Variants in TENM3 observed in about 807,000 individuals in gnomAD.
TENM3 encodes teneurin-3.
A neutral mutation model predicts 255.1 loss-of-function variants in TENM3; 63 were observed. That is an observed-to-expected ratio of 0.25 (90% CI 0.20 to 0.30). The LOEUF is 0.30. TENM3 is among the 10% of genes least tolerant of loss of function. The pLI, the probability that TENM3 is intolerant of heterozygous loss-of-function variation, is 1.00. For synonymous variants in TENM3, 1,306 were observed against 1,322.3 expected (o/e 0.99, Z 0.27); for missense variants, 2,929 against 3,461.1 (o/e 0.85, Z 3.86).
chr4:182,416,032 A>T (rs1194426423), intron 3 of TENM3, among the ~76,000 whole-genome samples: 1 of 152,120 alleles, frequency 6.6e-6, no homozygotes, highest in Non-Finnish European at 1.5e-5. Context: ...GTACTAAGAA[A>T]TTGTCTCCAC....
chr4:181,866,927 C>T, the TENM3 span, among the ~76,000 whole-genome samples: 1 of 152,108 alleles, frequency 6.6e-6, no homozygotes, highest in African/African-American at 2.4e-5. Flanking sequence ...TCTCATCTAA[C>T]CTCATTGCCT....
In TENM3 at chr4:182,775,290, C is replaced by A. The variant is rs2152800671; in HGVS notation, c.5304+137C>A. 7 of 762,336 alleles carry A rather than the reference C, an allele frequency of 9.2e-6. No individual in the cohort carries two copies. The South Asian group carries it at 1.1e-4, about 12-fold the overall frequency. The allele number at this position is 762,336 out of a possible 1,614,324, so 47.2% of individuals were successfully genotyped here. A position where few individuals can be genotyped will look rare whatever the true frequency, so the allele number is the denominator to read the frequency against. On this transcript the variant is annotated intron_variant, in intron 24 of 27. Transcript: ENST00000511685. ...GCACCTCGCTCAGTGTGGTTCCAAT[C>A]CCACATGGGCCTGTTCTGGCAGGTG...
At chr4:182,163,845 T>C (rs1751518612) in intron 1 of TENM3, among the ~76,000 whole-genome samples, 2 of 152,192 alleles carry the variant, frequency 1.3e-5, no homozygotes, top group Admixed American at 1.3e-4. Flanking sequence ...TGTCCTCTTC[T>C]AGTTGGTCTG....
chr4:181,732,369 A>G, the TENM3 span, among the ~76,000 whole-genome samples: 1 of 152,218 alleles, frequency 6.6e-6, no homozygotes, highest in African/African-American at 2.4e-5. Context: ...AACTTGACTC[A>G]GGTTATTTTA....
chr4:182,447,594 T>G (rs1333553287), intron 3 of TENM3, among the ~76,000 whole-genome samples: 2 of 152,216 alleles, frequency 1.3e-5, no homozygotes, highest in East Asian at 3.8e-4. Flanking sequence ...ATCTTACTGA[T>G]AAATGAAAAG....
At chr4:182,611,777 T>C (rs1749025446) in intron 4 of TENM3, among the ~76,000 whole-genome samples, 1 of 152,230 alleles carries the variant, frequency 6.6e-6, no homozygotes, top group South Asian at 2.1e-4. Flanking sequence ...TCTTGAACAC[T>C]TCCTCTACTT....
chr4:181,993,527 G>C, the TENM3 span, among the ~76,000 whole-genome samples: 5 of 152,138 alleles, frequency 3.3e-5, no homozygotes, highest in African/African-American at 1.2e-4. Flanking sequence ...TAATAAATTA[G>C]AGAAACTAAT....
At chr4:182,692,231 G>C (rs191370959) in intron 12 of TENM3, among the ~76,000 whole-genome samples, 38 of 152,310 alleles carry the variant, frequency 2.5e-4, no homozygotes, top group Admixed American at 8.5e-4. Flanking sequence ...CAGTTAGTTG[G>C]CCATAGATGC....
chr4:182,393,052 A>G (rs1306060947), intron 3 of TENM3, among the ~76,000 whole-genome samples: 1 of 152,226 alleles, frequency 6.6e-6, no homozygotes. Context: ...AAAAGATGCT[A>G]TCGGAGCGTT....
the TENM3 span, among the ~76,000 whole-genome samples, chr4:181,796,941 G>A: frequency 6.6e-6 from 1 of 152,018 alleles, no homozygotes; most frequent in Non-Finnish European, 1.5e-5. Flanking sequence ...GTATTCTCGG[G>A]GAATGATTTT....
At chr4:182,659,967 G>A (rs1327485578) in intron 6 of TENM3, among the ~76,000 whole-genome samples, 1 of 152,156 alleles carries the variant, frequency 6.6e-6, no homozygotes, top group African/African-American at 2.4e-5. Context: ...TGCTACTTGG[G>A]ACAGGTTATA....
intron 26 of TENM3, among the ~76,000 whole-genome samples, chr4:182,794,484 A>G (rs1766345641): frequency 6.6e-6 from 1 of 152,166 alleles, no homozygotes; most frequent in Non-Finnish European, 1.5e-5. Flanking sequence ...CCTCACCACC[A>G]TTGCCTCAGG....
At chr4:182,753,108 A>G (rs1313377995) in intron 20 of TENM3, among the ~76,000 whole-genome samples, 1 of 151,610 alleles carries the variant, frequency 6.6e-6, no homozygotes, top group East Asian at 1.9e-4. Context: ...TGCCACACCC[A>G]GTTTTTTTGT....
the TENM3 span, among the ~76,000 whole-genome samples, chr4:181,877,511 G>A: frequency 6.6e-6 from 1 of 152,088 alleles, no homozygotes. Flanking sequence ...CTATGAGTCA[G>A]CATTTATGTT....
intron 3 of TENM3, among the ~76,000 whole-genome samples, chr4:182,501,459 T>A (rs1736321871): frequency 6.6e-6 from 1 of 152,040 alleles, no homozygotes. Context: ...ATAAATATCC[T>A]GAGTTGAGTC....
the TENM3 span, among the ~76,000 whole-genome samples, chr4:182,038,859 G>A: frequency 1.1e-4 from 17 of 152,092 alleles, no homozygotes; most frequent in African/African-American, 3.4e-4. Context: ...TCAGGCTCCC[G>A]AGTAGCTGGG....
At chr4:181,844,654 T>C in the TENM3 span, among the ~76,000 whole-genome samples, 1,038 of 150,166 alleles carry the variant, frequency 6.9e-3, 10 homozygotes, top group Middle Eastern at 0.017. Context: ...GGCGACAGAG[T>C]GAGACTCCGT....
At chr4:181,995,389 A>T in the TENM3 span, among the ~76,000 whole-genome samples, 1 of 152,230 alleles carries the variant, frequency 6.6e-6, no homozygotes, top group African/African-American at 2.4e-5. Context: ...TCAATTGTTC[A>T]ATAACAATGG....
In TENM3 at chr4:182,789,473, AAC is replaced by A; in HGVS notation, c.5601+86_5601+87del. 1 of 1,282,656 alleles carries A rather than the reference AAC, an allele frequency of 7.8e-7. No homozygotes were observed. Among genetic ancestry groups the A allele is most frequent in the Non-Finnish European group, 1.1e-6 (1 of 930,126 alleles). The allele number at this position is 1,282,656 out of a possible 1,614,324, so 79.5% of individuals were successfully genotyped here. On this transcript the variant is annotated intron_variant, in intron 25 of 27. Transcript: ENST00000511685. The surrounding 1 kb of genome is among the most constrained non-coding windows in gnomAD (Gnocchi z 4.4). ...CATCCAGAGCACTAAGGGGAAAAAA[AAC>A]AGTGGCACATGACTGAGTTCCATTT...
Sources: gnomAD v4.1 joint callset for allele counts (sites outside exome capture counted in the v4.1 genomes callset) on GRCh38, gnomAD v4.1.1 for gene constraint, Gnocchi (gnomAD v3.1) non-coding constraint, MANE v1.5 for transcripts, NCBI Gene and HGNC (gene_info 2026-07-23, HGNC 2026-07-21) for gene names.